KAZN: variants seen among roughly 807,000 people sequenced by gnomAD.
The protein encoded by KAZN is kazrin, periplakin interacting protein.
In KAZN, 40 loss-of-function variants were observed where a neutral mutation model predicts 87.4. The ratio of observed to expected loss-of-function variants is 0.46; its 90% CI spans 0.36 to 0.60. KAZN has a LOEUF of 0.60. KAZN is among the 20% of genes least tolerant of loss of function. KAZN has a pLI of 0.00. For synonymous variants in KAZN, 466 were observed against 458.3 expected (o/e 1.02, Z -0.22); for missense variants, 898 against 1,073.9 (o/e 0.84, Z 2.29).
At chr1:14,848,972 G>A (rs886842116) in intron 1 of KAZN, among the ~76,000 whole-genome samples, 6 of 152,178 alleles carry the variant, frequency 3.9e-5, no homozygotes, top group Non-Finnish European at 8.8e-5. Flanking sequence ...GCGGCTCCAG[G>A]AAGCAGGGAC....
At chr1:13,935,252 G>GTAATAATAATAATAATAATAA (rs138811922) in intron 1 of KAZN, among the ~76,000 whole-genome samples, 27,748 of 146,638 alleles carry the variant, frequency 0.19, 2,840 homozygotes, top group Admixed American at 0.22. Context: ...AGTAGTAGTA[G>GTAATAATAATAATAATAATAA]TAATAATAAT....
chr1:14,277,432 G>A (rs1312951892), intron 2 of KAZN, among the ~76,000 whole-genome samples: 2 of 152,156 alleles, frequency 1.3e-5, no homozygotes, highest in East Asian at 1.9e-4. Context: ...TTGGGAGGCC[G>A]AGGCGGGTGG....
rs372773795 is a variant in KAZN at position 14,498,465 on chromosome 1, G to T, written c.250-100518G>T. Among the ~76,000 whole-genome samples the T allele has an allele frequency of 1.8e-4, 28 of 152,322 alleles. No individual in the cohort carries two copies. The East Asian group carries it at 3.9e-3, about 21-fold the overall frequency. ...CCAGCACTTTGGGAGGCCGAGGCAG[G>T]TGGATCACTTGGGGTCAGGGGTTTG... is the stretch of plus-strand genomic sequence containing the variant. On this transcript the variant is annotated intron_variant, in intron 2 of 16. Transcript: ENST00000636203.
At chr1:14,874,754 T>G (rs1422796711) in intron 1 of KAZN, among the ~76,000 whole-genome samples, 1 of 152,194 alleles carries the variant, frequency 6.6e-6, no homozygotes, top group African/African-American at 2.4e-5. Flanking sequence ...TGACATCTTC[T>G]GGTTTGATTA....
intron 1 of KAZN, among the ~76,000 whole-genome samples, chr1:14,906,507 C>T (rs1656598622): frequency 6.6e-6 from 1 of 151,998 alleles, no homozygotes; most frequent in Admixed American, 6.6e-5. Flanking sequence ...CTTGGGGACG[C>T]AGCCTCATGC....
rs775286455 is a variant in KAZN, at chr1:15,094,426, C to G, written c.1428+41C>G. ...CCCCCTATGGGATGCCACCCATGCC[C>G]TCTGTGAGCTTTACGTACCCAGAAG... On this transcript the variant is annotated intron_variant, in intron 9 of 14. Transcript: ENST00000376030. This position sits in a 1 kb window ranked among gnomAD's most constrained non-coding sequence, Gnocchi z 4.5. The G allele has an allele frequency of 6.4e-7, 1 of 1,553,580 alleles. No individual in the cohort carries two copies. Among genetic ancestry groups the G allele is most frequent in the Non-Finnish European group, 8.8e-7 (1 of 1,139,818 alleles).
At chr1:14,690,370 T>A (rs74370368) in intron 1 of KAZN, among the ~76,000 whole-genome samples, 5,110 of 152,206 alleles carry the variant, frequency 0.034, 114 homozygotes, top group Middle Eastern at 0.078. Context: ...TAAGCTGAAG[T>A]AGATGTCAGG....
chr1:14,409,285 G>A (rs144477873), intron 2 of KAZN, among the ~76,000 whole-genome samples: 78 of 152,228 alleles, frequency 5.1e-4, no homozygotes, highest in Non-Finnish European at 9.7e-4. Context: ...TTAATGCCTG[G>A]AAAGGTACAG....
At chr1:15,091,736 C>A (rs559513205) in intron 8 of KAZN, among the ~76,000 whole-genome samples, 1 of 152,166 alleles carries the variant, frequency 6.6e-6, no homozygotes, top group South Asian at 2.1e-4. Context: ...ATGAATGGAG[C>A]GTCATTCCTT....
intron 2 of KAZN, among the ~76,000 whole-genome samples, chr1:15,001,870 C>CTTTTTTTTTTT (rs34948148): frequency 1.7e-5 from 1 of 57,754 alleles, no homozygotes; most frequent in African/African-American, 9.1e-5. Context: ...AAGTCAAAAT[C>CTTTTTTTTTTT]TTTTTTTTTT....
chr1:14,418,691 T>TCC (rs1441201000), intron 2 of KAZN, among the ~76,000 whole-genome samples: 1 of 152,178 alleles, frequency 6.6e-6, no homozygotes, highest in African/African-American at 2.4e-5. Context: ...AACTGTATAC[T>TCC]CCCAAAGCAA....
intron 8 of KAZN, among the ~76,000 whole-genome samples, chr1:15,082,137 T>C (rs1640032608): frequency 6.6e-6 from 1 of 151,950 alleles, no homozygotes; most frequent in Non-Finnish European, 1.5e-5. Context: ...CAACTCTGCC[T>C]CAGTGGCAGC....
intron 1 of KAZN, among the ~76,000 whole-genome samples, chr1:14,608,774 A>G (rs1677577497): frequency 6.6e-6 from 1 of 152,238 alleles, no homozygotes; most frequent in Non-Finnish European, 1.5e-5. Flanking sequence ...CCGTTGTATC[A>G]TCTTCGCAGC....
chr1:14,892,359 T>C (rs2101171907), intron 1 of KAZN, among the ~76,000 whole-genome samples: 1 of 152,216 alleles, frequency 6.6e-6, no homozygotes, highest in South Asian at 2.1e-4. Flanking sequence ...GCATCTGTCT[T>C]TCAGAGGCAT....
At position 15,094,852 on chromosome 1, in the gene KAZN, G is replaced by T; in HGVS notation, c.1466G>T (p.Gly489Val). 6.4e-7 allele frequency: 1 copy of T among 1,550,722 alleles called. No homozygotes were observed. Among genetic ancestry groups the T allele is most frequent in the Non-Finnish European group, 8.7e-7 (1 of 1,146,774 alleles). ...LSLSDEDLQL[G>V]LGVCSSLHRR... is the part of the protein sequence containing the mutation. ...CTGAGTGACGAGGACCTGCAGCTGGGCCTTGGGGTGTGCAGCTCCCTGCAC... is the reference window on the plus strand; with the variant it reads ...CTGAGTGACGAGGACCTGCAGCTGGTCCTTGGGGTGTGCAGCTCCCTGCAC... Residue 489 changes from glycine (G) to valine (V), a missense_variant, in exon 10 of 15, where the codon GGC becomes GTC. Transcript: ENST00000376030. This position sits in a 1 kb window ranked among gnomAD's most constrained non-coding sequence, Gnocchi z 4.5.
intron 1 of KAZN, among the ~76,000 whole-genome samples, chr1:14,832,778 T>C (rs948912010): frequency 6.6e-6 from 1 of 152,130 alleles, no homozygotes; most frequent in Non-Finnish European, 1.5e-5. Flanking sequence ...AACCTAAGAA[T>C]GCTATTCACA....
chr1:14,758,506 T>A (rs901137575), intron 1 of KAZN, among the ~76,000 whole-genome samples: 32 of 151,890 alleles, frequency 2.1e-4, no homozygotes, highest in Admixed American at 1.5e-3. Context: ...GAGATGAGAG[T>A]TTCACTATGT....
chr1:14,709,370 A>C lies in KAZN; in HGVS notation c.226+110147A>C, dbSNP rs545128761. ...AGAATTCAGCAAAACAGCTTTTGTG[A>C]GTTAGTGAAGCCTCCACAAATGTTG... On this transcript the variant is annotated intron_variant, in intron 1 of 14. Coordinates refer to ENST00000376030, the MANE Select transcript of KAZN (RefSeq NM_201628.3). Among the ~76,000 whole-genome samples, 3 of 152,296 alleles carry C rather than the reference A, an allele frequency of 2.0e-5. No homozygotes were observed. In the East Asian group the frequency reaches 5.8e-4, roughly 29 times the overall value.
intron 1 of KAZN, among the ~76,000 whole-genome samples, chr1:13,935,090 A>T (rs1640670030): frequency 7.0e-6 from 1 of 143,028 alleles, no homozygotes; most frequent in Non-Finnish European, 1.5e-5. Context: ...TAGAAAAATT[A>T]GCCAGGTGTG....
Sources: gnomAD v4.1 joint callset for allele counts (sites outside exome capture counted in the v4.1 genomes callset) on GRCh38, gnomAD v4.1.1 for gene constraint, Gnocchi (gnomAD v3.1) non-coding constraint, MANE v1.5 for transcripts, NCBI Gene and HGNC (gene_info 2026-07-23, HGNC 2026-07-21) for gene names.